Variants in UVRAG observed in about 807,000 individuals in gnomAD.
UVRAG encodes UV radiation resistance associated.
UVRAG carries 19 observed loss-of-function variants against 78.0 expected under a neutral mutation model. The observed-to-expected ratio is 0.24, with a 90% confidence interval of 0.17 to 0.36. UVRAG has a LOEUF of 0.36. Among genes scored for constraint, UVRAG ranks in the 10% least tolerant of loss-of-function variants. The pLI, the probability that UVRAG is intolerant of heterozygous loss-of-function variation, is 1.00. For synonymous variants in UVRAG, 323 were observed against 324.6 expected, an observed-to-expected ratio of 1.00 and a Z score of 0.05; for missense variants, 740 against 853.8, an observed-to-expected ratio of 0.87 and a Z score of 1.66.
At chr11:75,835,155 TTGTG>T (rs1203440995) in intron 1 of UVRAG, 9 of 152,224 alleles carry the variant, frequency 5.9e-5, no homozygotes, top group Non-Finnish European at 1.3e-4. Flanking sequence ...ATATGAATTT[TTGTG>T]TGTATCATGT....
intron 7 of UVRAG, among the ~76,000 whole-genome samples, chr11:75,969,419 T>G (rs903600405): frequency 3.3e-5 from 5 of 152,240 alleles, no homozygotes; most frequent in African/African-American, 1.2e-4. Flanking sequence ...CTTCTGCGTC[T>G]TAGAACCTTG....
chr11:75,867,918 C>T (rs561997413), intron 3 of UVRAG, among the ~76,000 whole-genome samples: 11 of 152,306 alleles, frequency 7.2e-5, no homozygotes, highest in East Asian at 3.9e-4. Flanking sequence ...ATATCAAACA[C>T]GGCTACTTTT....
chr11:76,070,804 A>G (rs1268498628), intron 13 of UVRAG, among the ~76,000 whole-genome samples: 1 of 152,190 alleles, frequency 6.6e-6, no homozygotes. Flanking sequence ...AAGCAAACTC[A>G]TGGAGTCAGA....
At chr11:76,121,271 T>C (rs628957) in intron 14 of UVRAG, among the ~76,000 whole-genome samples, 57,117 of 152,060 alleles carry the variant, frequency 0.38, 13,042 homozygotes, top group Non-Finnish European at 0.5. Flanking sequence ...CTCTCAGTGA[T>C]TTATGCCAGG....
intron 1 of UVRAG, among the ~76,000 whole-genome samples, chr11:75,817,783 C>T (rs563144276): frequency 4.0e-4 from 61 of 152,000 alleles, no homozygotes; most frequent in African/African-American, 1.4e-3. Context: ...GTGGCTCACA[C>T]CTGTAATCCT....
chr11:75,886,720 T>G (rs1947086413), intron 4 of UVRAG, among the ~76,000 whole-genome samples: 1 of 152,174 alleles, frequency 6.6e-6, no homozygotes, highest in Non-Finnish European at 1.5e-5. Flanking sequence ...CAGGGAAGTG[T>G]TCACAGGAAT....
intron 1 of UVRAG, among the ~76,000 whole-genome samples, chr11:75,819,973 A>G (rs541332378): frequency 1.1e-4 from 17 of 152,202 alleles, no homozygotes; most frequent in African/African-American, 4.1e-4. Context: ...TCTAAAAAAA[A>G]TTATTTCGTT....
chr11:75,968,155 A>G (rs996521985), intron 7 of UVRAG, among the ~76,000 whole-genome samples: 1 of 152,096 alleles, frequency 6.6e-6, no homozygotes, highest in African/African-American at 2.4e-5. Context: ...GGCATATTCA[A>G]CCTATAATAT....
At chr11:75,828,774 T>TATACAC (rs1555069668) in intron 1 of UVRAG, among the ~76,000 whole-genome samples, 2 of 100,856 alleles carry the variant, frequency 2.0e-5, no homozygotes, top group African/African-American at 4.3e-5. Flanking sequence ...TATATATATA[T>TATACAC]ACACACATAT....
intron 8 of UVRAG, among the ~76,000 whole-genome samples, chr11:75,999,921 T>C (rs1003793907): frequency 6.6e-6 from 1 of 152,138 alleles, no homozygotes; most frequent in Non-Finnish European, 1.5e-5. Context: ...CTAAAACACT[T>C]CCCATCCCAA....
chr11:75,833,560 C>T (rs1034559653), intron 1 of UVRAG, among the ~76,000 whole-genome samples: 20 of 150,372 alleles, frequency 1.3e-4, no homozygotes, highest in African/African-American at 2.5e-4. Flanking sequence ...CCTAACCCAG[C>T]GGCGCTAGAG....
In UVRAG at chr11:76,141,136, C is replaced by T. The variant is rs1367824783; in HGVS notation, c.1823C>T (p.Ser608Phe). 1.2e-6 allele frequency: 2 copies of T among 1,614,182 alleles called. No homozygotes were observed. The highest frequency in any genetic ancestry group is 3.3e-5 in the Admixed American group (2 of 60,034). ...GTLLPSEQAG[S>F]ASVQLPGEFH... is the part of the protein sequence containing the mutation. ...CTCCTACCCAGCGAGCAGGCCGGGT[C>T]CGCCAGTGTCCAGCTTCCAGGCGAG... Residue 608 changes from serine (S) to phenylalanine (F), a missense_variant, in exon 15 of 15, where the codon TCC becomes TTC. By Grantham distance (155) the Ser-to-Phe change is radical. Coordinates refer to ENST00000356136, the MANE Select transcript of UVRAG (RefSeq NM_003369.4).
intron 14 of UVRAG, among the ~76,000 whole-genome samples, chr11:76,128,678 G>A (rs1435245974): frequency 6.6e-6 from 1 of 152,006 alleles, no homozygotes; most frequent in East Asian, 1.9e-4. Flanking sequence ...GTGCAGTGGC[G>A]CCATCATAGC....
At chr11:76,111,234 G>A (rs1460657186) in intron 13 of UVRAG, among the ~76,000 whole-genome samples, 2 of 152,122 alleles carry the variant, frequency 1.3e-5, no homozygotes, top group Admixed American at 6.5e-5. Context: ...TCAAATAAAC[G>A]AATGAGTGAT....
intron 10 of UVRAG, among the ~76,000 whole-genome samples, chr11:76,008,157 A>G (rs1043069793): frequency 6.6e-6 from 1 of 151,932 alleles, no homozygotes; most frequent in Admixed American, 6.6e-5. Context: ...TGATCCACCC[A>G]CCTCAGCCTC....
intron 3 of UVRAG, among the ~76,000 whole-genome samples, chr11:75,867,889 T>C (rs149848186): frequency 2.6e-5 from 4 of 152,238 alleles, no homozygotes; most frequent in Non-Finnish European, 5.9e-5. Flanking sequence ...CATGTAGTGC[T>C]AACATTGTGC....
intron 13 of UVRAG, among the ~76,000 whole-genome samples, chr11:76,078,439 A>G (rs1386848770): frequency 6.6e-6 from 1 of 152,050 alleles, no homozygotes; most frequent in African/African-American, 2.4e-5. Context: ...ATATTTCTGT[A>G]AATTATTGGT....
intron 5 of UVRAG, among the ~76,000 whole-genome samples, chr11:75,905,913 T>C (rs1947604716): frequency 1.3e-5 from 2 of 152,126 alleles, no homozygotes; most frequent in South Asian, 4.1e-4. Flanking sequence ...GGCTGACCAA[T>C]ACATTCCTAA....
intron 8 of UVRAG, among the ~76,000 whole-genome samples, chr11:75,992,190 C>T (rs796583233): frequency 3.9e-5 from 6 of 152,292 alleles, no homozygotes; most frequent in African/African-American, 1.2e-4. Context: ...TGCTGCCTAA[C>T]TGTGCTGCGA....
Sources: allele counts gnomAD v4.1 joint callset (sites outside exome capture counted in the v4.1 genomes callset), GRCh38; gene constraint gnomAD v4.1.1; transcripts MANE v1.5; gene names NCBI Gene and HGNC (gene_info 2026-07-23, HGNC 2026-07-21).